Variants in AMPD2 observed in about 807,000 individuals in gnomAD.
AMPD2 encodes AMP deaminase 2.
In AMPD2, 52 loss-of-function variants were observed where a neutral mutation model predicts 91.3. The ratio of observed to expected loss-of-function variants is 0.57; its 90% confidence interval spans 0.46 to 0.72. The LOEUF (loss-of-function observed/expected upper bound fraction) is 0.72, where lower values mean the gene tolerates loss of function less well. AMPD2 is among the 30% of genes least tolerant of loss of function. The probability of loss-of-function intolerance (pLI) is 0.00; values close to 1 mark genes in which losing one functional copy is unlikely to be tolerated. For missense variants in AMPD2, 822 were observed against 1,122.3 expected, an observed-to-expected ratio of 0.73 and a Z score of 3.82; for synonymous variants, 455 against 456.4, an observed-to-expected ratio of 1.00 and a Z score of 0.04.
chr1:109,630,763 C>A lies in AMPD2; in HGVS notation c.2238C>A (p.Asn746Lys). 1 of 1,611,326 alleles carries A rather than the reference C, an allele frequency of 6.2e-7. No individual in the cohort carries two copies. Among genetic ancestry groups the A allele is most frequent in the Non-Finnish European group, 8.5e-7 (1 of 1,179,036 alleles). ...SSCDMCELAR[N>K]SVLMSGFSHK... ...GCGATATGTGTGAGCTGGCCCGCAA[C>A]AGCGTGCTCATGAGCGGCTTCTCGC... is the stretch of plus-strand genomic sequence containing the variant. The change falls in exon 18 of 19, where the codon AAC (asparagine) becomes AAA (lysine). Residue 746 changes from asparagine to lysine, a missense_variant. Coordinates refer to ENST00000528667, the MANE Select transcript of AMPD2 (RefSeq NM_001368809.2).
chr1:109,626,775 T>A lies in AMPD2; in HGVS notation c.581T>A (p.Leu194His). ...GCAGCCAAGAGTGTGGTGCGGGCGC[T>A]CTTCATCCGGGAGAAGTACATGGCC... ...LDAAKSVVRALFIREKYMALS... is the reference protein window; with the variant it reads ...LDAAKSVVRAHFIREKYMALS... Residue 194 changes from leucine to histidine, a missense_variant, in exon 7 of 19, where the codon CTC becomes CAC. By Grantham distance (99) the Leu-to-His change is moderately conservative. Transcript: ENST00000528667. 1.2e-6 allele frequency: 2 copies of A among 1,613,838 alleles called. No homozygotes were observed. The highest frequency in any genetic ancestry group is 1.1e-5 in the South Asian group (1 of 91,090).
In AMPD2 at chr1:109,631,025, T is replaced by G. The variant is rs749533055; in HGVS notation, c.2351T>G (p.Ile784Ser). 1 of 1,614,172 alleles carries G rather than the reference T, an allele frequency of 6.2e-7. No individual in the cohort carries two copies. The highest frequency in any genetic ancestry group is 2.2e-5 in the East Asian group (1 of 44,882). ...ATCCGCCGGACCAATGTGCCAGACA[T>G]CCGCGTGGGCTACCGCTACGAGACC... is the stretch of plus-strand genomic sequence containing the variant. Reference protein sequence around the residue: ...NDIRRTNVPDIRVGYRYETLC... With the variant: ...NDIRRTNVPDSRVGYRYETLC... The change falls in exon 19 of 19, where the codon ATC becomes AGC. Residue 784 changes from isoleucine (I) to serine (S), a missense_variant. Coordinates refer to ENST00000528667, the MANE Select transcript of AMPD2 (RefSeq NM_001368809.2).
chr1:109,625,276 T>G lies in AMPD2; in HGVS notation c.92-27T>G. ...CTTTCAGGGGCTGCCCCTCCACCCT[T>G]TGACCCTGGCATCACTGTCTCTGCA... On this transcript the variant is annotated intron_variant, in intron 2 of 18. Transcript: ENST00000528667. This position sits in a 1 kb window ranked among gnomAD's most constrained non-coding sequence, Gnocchi z 4.0. 1 of 1,610,174 alleles carries G rather than the reference T, an allele frequency of 6.2e-7. No homozygotes were observed. The highest frequency in any genetic ancestry group is 8.5e-7 in the Non-Finnish European group (1 of 1,177,884).
chr1:109,629,351 G>T lies in AMPD2; in HGVS notation c.1723G>T (p.Asp575Tyr). Residue 575 changes from aspartate to tyrosine, a missense_variant, in exon 15 of 19, where the codon GAT becomes TAT. Around this residue, in one of 5 missense-constraint regions of AMPD2, gnomAD observed 430 missense variants for 606.0 expected, o/e 0.71. Transcript: ENST00000528667. ...GGTGGATGGTTTTGACAGCGTGGAT[G>T]ATGAGTCCAAGCCTGAAAACCATGT... ...EHVDGFDSVD[D>Y]ESKPENHVFN... 3 of 1,614,178 alleles carry T rather than the reference G, an allele frequency of 1.9e-6. No homozygotes were observed. Among genetic ancestry groups the T allele is most frequent in the Non-Finnish European group, 2.5e-6 (3 of 1,180,030 alleles).
chr1:109,627,635 C>G, intron 9 of AMPD2, 117 bp downstream of exon 9: 1 of 1,516,654 alleles, frequency 6.6e-7, no homozygotes, highest in Non-Finnish European at 9.1e-7. Flanking sequence ...GCTGAGCCCT[C>G]GACTTCCCCG....
rs942258034 is a variant in AMPD2, at chr1:109,630,999, C to G, written c.2325C>G (p.Asp775Glu). 3.1e-6 allele frequency: 5 copies of G among 1,614,074 alleles called. No individual in the cohort carries two copies. The African/African-American group carries it at 6.7e-5, about 22-fold the overall frequency. The change falls in exon 19 of 19, where the codon GAC becomes GAG. Residue 775 changes from aspartate to glutamate, a missense_variant. Physicochemically the swap from Asp to Glu is conservative, Grantham distance 45. Transcript: ENST00000528667. ...NYTKEGPEGN[D>E]IRRTNVPDIR... is the part of the protein sequence containing the mutation. ...CCAAGGAAGGCCCTGAGGGGAATGA[C>G]ATCCGCCGGACCAATGTGCCAGACA...
At position 109,625,251 on chromosome 1, in the gene AMPD2, C is replaced by T; in HGVS notation, c.92-52C>T. 3 of 1,596,152 alleles carry T rather than the reference C, an allele frequency of 1.9e-6. No individual in the cohort carries two copies. The highest frequency in any genetic ancestry group is 2.6e-6 in the Non-Finnish European group (3 of 1,170,078). On this transcript the variant is annotated intron_variant, in intron 2 of 18. Transcript: ENST00000528667. This position sits in a 1 kb window ranked among gnomAD's most constrained non-coding sequence, Gnocchi z 4.0. Reference sequence around the variant, plus strand: ...GCCTAGGCAGGGCAGGGGCCCAGGGCTTTCAGGGGCTGCCCCTCCACCCTT... The same window carrying T: ...GCCTAGGCAGGGCAGGGGCCCAGGGTTTTCAGGGGCTGCCCCTCCACCCTT...
Position 109,629,394 on chromosome 1 carries a change from C to T in AMPD2, c.1766C>T (p.Pro589Leu), listed in dbSNP as rs1209648130. The T allele has an allele frequency of 9.9e-6, 16 of 1,614,094 alleles. No individual in the cohort carries two copies. The highest frequency in any genetic ancestry group is 1.3e-5 in the Non-Finnish European group (15 of 1,180,008). Reference protein sequence around the residue: ...PENHVFNLESPLPEAWVEEDN... With the variant: ...PENHVFNLESLLPEAWVEEDN... ...AACCATGTCTTCAACCTGGAGAGCC[C>T]CCTGCCTGAGGCGTGGGTGGAGGAG... Residue 589 changes from proline (P) to leucine (L), a missense_variant, in exon 15 of 19, where the codon CCC becomes CTC. By Grantham distance (98) the Pro-to-Leu change is moderately conservative. Coordinates refer to ENST00000528667, the MANE Select transcript of AMPD2 (RefSeq NM_001368809.2).
intron 17 of AMPD2, 44 bp downstream of exon 17, chr1:109,630,450 G>C: frequency 1.3e-6 from 2 of 1,595,272 alleles, no homozygotes; most frequent in Non-Finnish European, 1.7e-6. Flanking sequence ...GTCCCAGGAC[G>C]CTGGGGTCTC....
In AMPD2 at chr1:109,629,805, C is replaced by T. The variant is rs1651042764; in HGVS notation, c.1872C>T (p.Gly624=). The stretch of plus-strand genomic sequence containing the variant: ...TCTTCATGTCCCCCAGGCAGAGGGG[C>T]TTCCACACGTTTGTGCTGAGGCCAC... The part of the protein sequence containing the change: ...AMLNHLRRQR[G]FHTFVLRPHC... Residue 624 remains glycine, a synonymous_variant, in exon 16 of 19, where the codon GGC becomes GGT. Coordinates refer to ENST00000528667, the MANE Select transcript of AMPD2 (RefSeq NM_001368809.2). 1 of 1,598,306 alleles carries T rather than the reference C, an allele frequency of 6.3e-7. No individual in the cohort carries two copies. The highest frequency in any genetic ancestry group is 8.5e-7 in the Non-Finnish European group (1 of 1,169,966).
chr1:109,621,431 A>C, intron 2 of AMPD2, 165 bp downstream of exon 2: 1 of 113,366 alleles, frequency 8.8e-6, no homozygotes, highest in Non-Finnish European at 1.8e-5. Context: ...AGGTGGGGTG[A>C]GGGGTGGTGG....
intron 13 of AMPD2, 59 bp from the exon 14 acceptor site, chr1:109,629,050 G>C: frequency 2.5e-6 from 4 of 1,596,008 alleles, no homozygotes; most frequent in Non-Finnish European, 8.6e-7. Context: ...TTGCTGGACC[G>C]CTGGGTTTCC....
chr1:109,623,466 G>C (rs1650413153), intron 2 of AMPD2, among the ~76,000 whole-genome samples: 1 of 152,146 alleles, frequency 6.6e-6, no homozygotes, highest in African/African-American at 2.4e-5. Flanking sequence ...TGAGCAGCTG[G>C]GCAGCGGGGA....
chr1:109,631,194 C>G lies in AMPD2; in HGVS notation c.*42C>G, dbSNP rs200849607. 3.3e-5 allele frequency: 50 copies of G among 1,536,924 alleles called. No homozygotes were observed. Among genetic ancestry groups the G allele is most frequent in the Non-Finnish European group, 4.4e-5 (50 of 1,133,268 alleles). ...GCCCACCACATCGCAGCACTTTTAC[C>G]ACGTTTTGTCCTCAGACCCCGCCCA... On this transcript the variant is annotated 3_prime_UTR_variant, in exon 19 of 19. Transcript: ENST00000528667.
rs754310339 is a variant in AMPD2, at chr1:109,630,217, C to T, written c.1984-16C>T. 1 of 1,610,490 alleles carries T rather than the reference C, an allele frequency of 6.2e-7. No individual in the cohort carries two copies. Among genetic ancestry groups the T allele is most frequent in the Admixed American group, 1.7e-5 (1 of 60,020 alleles). On this transcript the variant is annotated splice_polypyrimidine_tract_variant and intron_variant, in intron 16 of 18. Transcript: ENST00000528667. ...GGGGCCACCTGACAGGCCCTCCCTC[C>T]CTGTTGCCTGCCCAGGCCCCCGTCC...
At position 109,620,072 on chromosome 1, in the gene AMPD2, A is replaced by G. The variant is rs1215267195; in HGVS notation, c.-469A>G. On this transcript the variant is annotated 5_prime_UTR_variant, in exon 1 of 19. Transcript: ENST00000528667. ...CGCCTTGAGGCCAGTCCGGCTGCCG[A>G]GGTCTGCGGGAGTCCACCTCCGGCC... is the stretch of plus-strand genomic sequence containing the variant. 3.0e-6 allele frequency: 2 copies of G among 676,546 alleles called. No homozygotes were observed. The highest frequency in any genetic ancestry group is 5.0e-5 in the Admixed American group (2 of 39,768). 41.9% of individuals were successfully genotyped at this position (676,546 alleles called of 1,614,324 possible).
Position 109,627,297 on chromosome 1 carries a change from C to A in AMPD2, c.841C>A (p.Arg281Ser), listed in dbSNP as rs769550203. The A allele has an allele frequency of 6.2e-6, 10 of 1,604,860 alleles. No individual in the cohort carries two copies. The highest frequency in any genetic ancestry group is 5.0e-5 in the Admixed American group (3 of 59,596). The change falls in exon 8 of 19, where the codon CGC becomes AGC. Residue 281 changes from arginine to serine, a missense_variant. By Grantham distance (110) the Arg-to-Ser change is moderately radical (BLOSUM62 -1). This residue lies in a region of AMPD2 where 240 missense variants were observed against 270.3 expected (regional missense o/e 0.89). Transcript: ENST00000528667. ...MVRGVVHVYT[R>S]REPDEHCSEV... Reference sequence around the variant, plus strand: ...GCGGGGTGTGGTGCACGTCTACACCCGCAGGGAACCCGACGAGCAGTAAGA... The same window carrying A: ...GCGGGGTGTGGTGCACGTCTACACCAGCAGGGAACCCGACGAGCAGTAAGA...
rs1396296917 is a variant in AMPD2, at chr1:109,621,213, C to T, written c.38C>T (p.Ala13Val). The change falls in exon 2 of 19, where the codon GCC (alanine) becomes GTC (valine). Residue 13 changes from alanine (A) to valine (V), a missense_variant. This residue lies in a region of AMPD2 where 105 missense variants were observed against 125.0 expected (regional missense o/e 0.84). Transcript: ENST00000528667. Reference sequence around the variant, plus strand: ...CCATCTGGCTCTGGCAAGCCCAAGGCCAAATATCCCTTTAAGAAGCGGGCC... The same window carrying T: ...CCATCTGGCTCTGGCAAGCCCAAGGTCAAATATCCCTTTAAGAAGCGGGCC... Reference protein sequence around the residue: ...SYPSGSGKPKAKYPFKKRASL... With the variant: ...SYPSGSGKPKVKYPFKKRASL... 5 of 1,611,274 alleles carry T rather than the reference C, an allele frequency of 3.1e-6. No individual in the cohort carries two copies. Among genetic ancestry groups the T allele is most frequent in the Admixed American group, 1.7e-5 (1 of 59,766 alleles).
At position 109,630,332 on chromosome 1, in the gene AMPD2, C is replaced by G; in HGVS notation, c.2083C>G (p.Leu695Val). Residue 695 changes from leucine (L) to valine (V), a missense_variant, in exon 17 of 19, where the codon CTA (leucine) becomes GTA (valine). Physicochemically the swap from Leu to Val is conservative, Grantham distance 32. This residue lies in a region of AMPD2 where 430 missense variants were observed against 606.0 expected (regional missense o/e 0.71). Transcript: ENST00000528667. The part of the protein sequence containing the change: ...SLFLSYHRNP[L>V]PEYLSRGLMV... ...CTTCCTCAGCTATCACCGGAATCCG[C>G]TACCGGAGTACCTGTCCCGCGGCCT... The G allele has an allele frequency of 6.2e-7, 1 of 1,614,056 alleles. No individual in the cohort carries two copies. The highest frequency in any genetic ancestry group is 8.5e-7 in the Non-Finnish European group (1 of 1,180,010).
Sources: allele counts gnomAD v4.1 joint callset (sites outside exome capture counted in the v4.1 genomes callset), GRCh38; gene constraint gnomAD v4.1.1; regional missense constraint gnomAD v4.1.1; non-coding constraint Gnocchi (gnomAD v3.1); transcripts MANE v1.5; gene names NCBI Gene and HGNC (gene_info 2026-07-23, HGNC 2026-07-21).